MAN2A1: variants seen among roughly 807,000 people sequenced by gnomAD.
MAN2A1 encodes mannosidase alpha class 2A member 1.
Under a neutral mutation model 142.6 loss-of-function variants are expected in MAN2A1, and 76 were observed. The ratio of observed to expected loss-of-function variants is 0.53; its 90% confidence interval spans 0.44 to 0.65. MAN2A1 has a LOEUF of 0.65. MAN2A1 is among the 30% of genes least tolerant of loss of function. The pLI, the probability that MAN2A1 is intolerant of heterozygous loss-of-function variation, is 0.00. For missense variants in MAN2A1, 1,311 were observed against 1,365.1 expected (o/e 0.96, Z 0.62); for synonymous variants, 559 against 473.2 (o/e 1.18, Z -2.35).
intron 16 of MAN2A1, among the ~76,000 whole-genome samples, chr5:109,841,074 A>G (rs1023988792): frequency 2.0e-5 from 3 of 151,670 alleles, no homozygotes; most frequent in Admixed American, 2.0e-4. Context: ...GAATGATGTC[A>G]CTCTTTCTTC....
At chr5:109,724,995 T>C (rs1192295294) in intron 3 of MAN2A1, among the ~76,000 whole-genome samples, 1 of 152,150 alleles carries the variant, frequency 6.6e-6, no homozygotes, top group Non-Finnish European at 1.5e-5. Flanking sequence ...ATACCTTTCA[T>C]TCATCTTATT....
Position 109,791,716 on chromosome 5 carries a change from A to G in MAN2A1, c.1943+2189A>G, listed in dbSNP as rs192642073. Among the ~76,000 whole-genome samples, 291 of 152,184 alleles carry G rather than the reference A, an allele frequency of 1.9e-3. 2 individuals carry two copies. The highest frequency in any genetic ancestry group is 3.2e-3 in the Non-Finnish European group (219 of 67,954). ...TCTTTTTAATATATAAAGCACAGAT[A>G]TAGTACGTAACAGGTAAACAGTTTG... is the stretch of plus-strand genomic sequence containing the variant. On this transcript the variant is annotated intron_variant, in intron 12 of 21. Coordinates refer to ENST00000261483, the MANE Select transcript of MAN2A1 (RefSeq NM_002372.4).
chr5:109,863,952 AT>A (rs1310216471), intron 20 of MAN2A1: 2 of 152,234 alleles, frequency 1.3e-5, no homozygotes, highest in Non-Finnish European at 2.9e-5. Context: ...AACATAGGTT[AT>A]TCCAGCCAAG....
rs554387278 is a variant in MAN2A1, at chr5:109,734,382, C to G, written c.707+4869C>G. On this transcript the variant is annotated intron_variant, in intron 4 of 21. Transcript: ENST00000261483. ...TGTCTCTATCTCCTTCAGTTCTGCT[C>G]TGATGTTAGTTATTTCTTGCCTTCT... Among the ~76,000 whole-genome samples the G allele has an allele frequency of 2.7e-4, 40 of 149,428 alleles. 1 individual carries two copies. In the East Asian group the frequency reaches 7.4e-3, roughly 28 times the overall value.
At chr5:109,781,208 T>G (rs1753446695) in intron 8 of MAN2A1, among the ~76,000 whole-genome samples, 188 bp from the exon 9 acceptor site, 1 of 152,144 alleles carries the variant, frequency 6.6e-6, no homozygotes, top group Non-Finnish European at 1.5e-5. Flanking sequence ...ATTTGGGCCT[T>G]AATGTAAGTA....
At chr5:109,754,740 G>A (rs59624937) in intron 4 of MAN2A1, among the ~76,000 whole-genome samples, 3,355 of 152,278 alleles carry the variant, frequency 0.022, 127 homozygotes, top group African/African-American at 0.076. Context: ...GGTGGCTCAC[G>A]CCTGTAATCC....
At chr5:109,830,772 TA>T (rs1754886378) in intron 16 of MAN2A1, among the ~76,000 whole-genome samples, 1 of 152,236 alleles carries the variant, frequency 6.6e-6, no homozygotes, top group South Asian at 2.1e-4. Context: ...TTTTCCCTGT[TA>T]ATTGGAACTT....
In MAN2A1 at chr5:109,865,091, A is replaced by G. The variant is rs545581534; in HGVS notation, c.3227A>G (p.Asp1076Gly). The change falls in exon 21 of 22, where the codon GAT becomes GGT. Residue 1076 changes from aspartate to glycine, a missense_variant. By Grantham distance (94) the Asp-to-Gly change is moderately conservative. This residue lies in a region of MAN2A1 where 890 missense variants were observed against 920.5 expected (regional missense o/e 0.97). Transcript: ENST00000261483. Reference sequence around the variant, plus strand: ...TTGATCCTCCACAGAAAAGGGTTTGATTGTCGGTTCTCTAGCAAAGGCACA... The same window carrying G: ...TTGATCCTCCACAGAAAAGGGTTTGGTTGTCGGTTCTCTAGCAAAGGCACA... Reference protein sequence around the residue: ...AALILHRKGFDCRFSSKGTGL... With the variant: ...AALILHRKGFGCRFSSKGTGL... 4 of 1,614,002 alleles carry G rather than the reference A, an allele frequency of 2.5e-6. No homozygotes were observed. Among genetic ancestry groups the G allele is most frequent in the South Asian group, 2.2e-5 (2 of 91,072 alleles).
intron 1 of MAN2A1, among the ~76,000 whole-genome samples, chr5:109,703,426 G>A (rs1178548176): frequency 6.6e-6 from 1 of 152,174 alleles, no homozygotes; most frequent in Non-Finnish European, 1.5e-5. Flanking sequence ...CCTATATGAT[G>A]TGTTAACAAC....
intron 20 of MAN2A1, among the ~76,000 whole-genome samples, chr5:109,857,987 C>T (rs1353536021): frequency 1.3e-5 from 2 of 152,198 alleles, no homozygotes; most frequent in East Asian, 3.8e-4. Context: ...TTGTGAAAGC[C>T]TTTTGAGAAC....
At chr5:109,732,913 G>T (rs1751960429) in intron 4 of MAN2A1, among the ~76,000 whole-genome samples, 1 of 151,594 alleles carries the variant, frequency 6.6e-6, no homozygotes, top group African/African-American at 2.4e-5. Flanking sequence ...ATCATTGGTA[G>T]CTTGATGGGG....
intron 3 of MAN2A1, among the ~76,000 whole-genome samples, chr5:109,716,799 T>C (rs1161562748): frequency 6.6e-6 from 1 of 152,168 alleles, no homozygotes; most frequent in East Asian, 1.9e-4. Flanking sequence ...ACCAAGTTTT[T>C]TCCCTGGTAG....
chr5:109,717,202 CT>C, intron 3 of MAN2A1, among the ~76,000 whole-genome samples: 1 of 151,946 alleles, frequency 6.6e-6, no homozygotes, highest in Non-Finnish European at 1.5e-5. Flanking sequence ...AGGTTTTTTT[CT>C]TTGCTTCCAG....
At chr5:109,832,161 C>CTTTTTTTTTTTTTTTTTTTTTTTTTTTT (rs70999945) in intron 16 of MAN2A1, among the ~76,000 whole-genome samples, 1 of 51,230 alleles carries the variant, frequency 2.0e-5, no homozygotes, top group East Asian at 5.3e-4. Context: ...AAGGAGTTTT[C>CTTTTTTTTTTTTTTTTTTTTTTTTTTTT]TTTTTTTTTT....
At chr5:109,828,575 G>A (rs988091217) in intron 16 of MAN2A1, among the ~76,000 whole-genome samples, 3 of 152,206 alleles carry the variant, frequency 2.0e-5, no homozygotes, top group African/African-American at 7.2e-5. Context: ...TGAAGAATTA[G>A]GTCACTGTGG....
At chr5:109,803,544 G>T (rs1449172263) in intron 12 of MAN2A1, among the ~76,000 whole-genome samples, 1 of 151,950 alleles carries the variant, frequency 6.6e-6, no homozygotes, top group Non-Finnish European at 1.5e-5. Context: ...AAATGATGGG[G>T]AGGAAAAACA....
rs555046007 is a variant in MAN2A1 at position 109,716,557 on chromosome 5, A to G, written c.535+293A>G. On this transcript the variant is annotated intron_variant, in intron 3 of 21. Coordinates refer to ENST00000261483, the MANE Select transcript of MAN2A1 (RefSeq NM_002372.4). ...TTTTAAGAGACTGCTTGTTCATTTTAGTAACTTTTTAAAAAATATTGCATA... is the reference window on the plus strand; with the variant it reads ...TTTTAAGAGACTGCTTGTTCATTTTGGTAACTTTTTAAAAAATATTGCATA... Among the ~76,000 whole-genome samples the G allele has an allele frequency of 4.6e-5, 7 of 152,330 alleles. No individual in the cohort carries two copies. The South Asian group carries it at 1.4e-3, about 32-fold the overall frequency.
chr5:109,819,829 G>A lies in MAN2A1; in HGVS notation c.2270G>A (p.Gly757Asp), dbSNP rs749110533. ...TIKNMINTEE[G>D]ITLENSFVLL... is the part of the protein sequence containing the mutation. ...AAGAATATGATAAATACTGAAGAAG[G>A]TATAACACTAGAGAACTCCTTTGTT... Residue 757 changes from glycine to aspartate, a missense_variant, in exon 14 of 22, where the codon GGT becomes GAT. Transcript: ENST00000261483. 8 of 1,611,114 alleles carry A rather than the reference G, an allele frequency of 5.0e-6. No individual in the cohort carries two copies. The Admixed American group carries it at 5.0e-5, about 10-fold the overall frequency.
chr5:109,822,774 T>G (rs1400391282), intron 15 of MAN2A1, among the ~76,000 whole-genome samples: 1 of 152,054 alleles, frequency 6.6e-6, no homozygotes, highest in Non-Finnish European at 1.5e-5. Context: ...GCCTCCTGGG[T>G]TCACGCCATT....
Sources: gnomAD v4.1 joint callset for allele counts (sites outside exome capture counted in the v4.1 genomes callset) on GRCh38, gnomAD v4.1.1 for gene constraint, gnomAD v4.1.1 regional missense constraint, MANE v1.5 for transcripts, NCBI Gene and HGNC (gene_info 2026-07-23, HGNC 2026-07-21) for gene names.